DDX25: variants seen among roughly 807,000 people sequenced by gnomAD.
The protein encoded by DDX25 is ATP-dependent RNA helicase DDX25.
DDX25 carries 70 observed loss-of-function variants against 64.6 expected under a neutral mutation model. The observed-to-expected ratio is 1.08, with a 90% CI of 0.89 to 1.32. DDX25 has a LOEUF of 1.32. Ranked by LOEUF, DDX25 falls within the 40% of genes most tolerant of loss-of-function variation. The pLI, the probability that DDX25 is intolerant of heterozygous loss-of-function variation, is 0.00. For synonymous variants in DDX25, 211 were observed against 213.3 expected, an observed-to-expected ratio of 0.99 and a Z score of 0.09; for missense variants, 587 against 604.4, an observed-to-expected ratio of 0.97 and a Z score of 0.30.
chr11:125,904,843 G>A, intron 1 of DDX25: 1 of 573,258 alleles, frequency 1.7e-6, no homozygotes, highest in South Asian at 2.1e-5. Flanking sequence ...GGTAGTCCCA[G>A]CTAGACCCCG....
At chr11:125,907,048 C>CT (rs1467950967) in intron 4 of DDX25, among the ~76,000 whole-genome samples, 4 of 152,152 alleles carry the variant, frequency 2.6e-5, no homozygotes, top group Admixed American at 2.0e-4. Flanking sequence ...CAAACTTTTA[C>CT]TTTCCTGATT....
At position 125,928,702 on chromosome 11, in the gene DDX25, T is replaced by C. The variant is rs148886132; in HGVS notation, c.*5821T>C. The C allele has an allele frequency of 3.3e-5, 5 of 152,372 alleles. No homozygotes were observed. Among genetic ancestry groups the C allele is most frequent in the African/African-American group, 7.2e-5 (3 of 41,592 alleles). 9.4% of individuals were successfully genotyped at this position (152,372 alleles called of 1,614,324 possible). A position where few individuals can be genotyped will look rare whatever the true frequency, so the allele number is the denominator to read the frequency against. ...AGATTATATTTTTTAAAGTGGTTCA[T>C]CATTTGAAAAGCATCTGTAGTGTTC... On this transcript the variant is annotated 3_prime_UTR_variant, in exon 12 of 12. Coordinates refer to ENST00000263576, the MANE Select transcript of DDX25 (RefSeq NM_013264.5).
chr11:125,921,381 T>TA lies in DDX25; in HGVS notation c.1390+4dup. 1 of 1,612,844 alleles carries TA rather than the reference T, an allele frequency of 6.2e-7. No individual in the cohort carries two copies. The highest frequency in any genetic ancestry group is 2.2e-5 in the East Asian group (1 of 44,840). ...TCATGAAAATCCAGGACCACTTTAG[T>TA]AAGTAGCACCACCCTCACAATATGA... On this transcript the variant is annotated splice_region_variant and intron_variant, in intron 11 of 11. Coordinates refer to ENST00000263576, the MANE Select transcript of DDX25 (RefSeq NM_013264.5). This position sits in a 1 kb window ranked among gnomAD's most constrained non-coding sequence, Gnocchi z 4.1.
chr11:125,906,976 C>A (rs1944897788), intron 4 of DDX25, among the ~76,000 whole-genome samples: 1 of 152,154 alleles, frequency 6.6e-6, no homozygotes, highest in Admixed American at 6.5e-5. Flanking sequence ...TTGCCCCTCT[C>A]CATATCAGAA....
chr11:125,921,422 G>T lies in DDX25; in HGVS notation c.1390+43G>T. 1.9e-6 allele frequency: 3 copies of T among 1,590,520 alleles called. No individual in the cohort carries two copies. Among genetic ancestry groups the T allele is most frequent in the Non-Finnish European group, 2.6e-6 (3 of 1,166,648 alleles). On this transcript the variant is annotated intron_variant, in intron 11 of 11. Transcript: ENST00000263576. This position sits in a 1 kb window ranked among gnomAD's most constrained non-coding sequence, Gnocchi z 4.1. The stretch of plus-strand genomic sequence containing the variant: ...CACAATATGAACTACAGACCTGCCG[G>T]TCTGACAGTGATGATGTGTGCTGGA...
intron 1 of DDX25, 37 bp downstream of exon 1, chr11:125,904,617 G>T (rs945713789): frequency 6.3e-6 from 9 of 1,430,344 alleles, no homozygotes; most frequent in South Asian, 1.4e-5. Context: ...CAGCCGCGGG[G>T]GTGGAGCTCC....
intron 8 of DDX25, among the ~76,000 whole-genome samples, chr11:125,912,669 G>A (rs1243240394): frequency 3.3e-5 from 5 of 151,836 alleles, no homozygotes; most frequent in Non-Finnish European, 1.5e-5. Flanking sequence ...AGAGCCCACA[G>A]ATACAGATGG....
In DDX25 at chr11:125,905,244, T is replaced by C. The variant is rs1354985762; in HGVS notation, c.96T>C (p.Leu32=). Reference sequence around the variant, plus strand: ...ACCTCAGCCAACCCCGGAAGAACCTTTGGGGTATTAAGAGTACTGCAGTCC... The same window carrying C: ...ACCTCAGCCAACCCCGGAAGAACCTCTGGGGTATTAAGAGTACTGCAGTCC... ...FSNLSQPRKN[L]WGIKSTAVRN... Residue 32 remains leucine (L), a synonymous_variant, in exon 2 of 12, where the codon CTT becomes CTC. Coordinates refer to ENST00000263576, the MANE Select transcript of DDX25 (RefSeq NM_013264.5). 5.8e-6 allele frequency: 9 copies of C among 1,551,370 alleles called. No homozygotes were observed. The African/African-American group carries it at 9.6e-5, about 17-fold the overall frequency.
In DDX25 at chr11:125,924,259, T is replaced by G. The variant is rs1355228661; in HGVS notation, c.*1378T>G. ...TCCAGCCTGGGCGACAGAGTGAGACTCTATCTCAAAAAAAACGCGCTCCCC... is the reference window on the plus strand; with the variant it reads ...TCCAGCCTGGGCGACAGAGTGAGACGCTATCTCAAAAAAAACGCGCTCCCC... On this transcript the variant is annotated 3_prime_UTR_variant, in exon 12 of 12. Transcript: ENST00000263576. The G allele has an allele frequency of 7.0e-6, 1 of 142,456 alleles. No homozygotes were observed. Among genetic ancestry groups the G allele is most frequent in the African/African-American group, 2.6e-5 (1 of 38,550 alleles). 8.8% of individuals were successfully genotyped at this position (142,456 alleles called of 1,614,324 possible). A position where few individuals can be genotyped will look rare whatever the true frequency, so the allele number is the denominator to read the frequency against.
In DDX25 at chr11:125,926,294, A is replaced by G. The variant is rs968631523; in HGVS notation, c.*3413A>G. On this transcript the variant is annotated 3_prime_UTR_variant, in exon 12 of 12. Coordinates refer to ENST00000263576, the MANE Select transcript of DDX25 (RefSeq NM_013264.5). ...CACATACTGCTTTTCCCAAGGGAGT[A>G]ACAGAAAGGTCAGATCCTCTTCAAT... is the stretch of plus-strand genomic sequence containing the variant. 2 of 152,334 alleles carry G rather than the reference A, an allele frequency of 1.3e-5. No homozygotes were observed. Among genetic ancestry groups the G allele is most frequent in the Non-Finnish European group, 2.9e-5 (2 of 68,136 alleles). 9.4% of individuals were successfully genotyped at this position (152,334 alleles called of 1,614,324 possible).
chr11:125,919,569 T>TA (rs561827207), intron 10 of DDX25, among the ~76,000 whole-genome samples: 13 of 146,182 alleles, frequency 8.9e-5, no homozygotes, highest in South Asian at 6.4e-4. Context: ...TTTTTTTTTT[T>TA]TCAAGAGAAG....
In DDX25 at chr11:125,926,193, T is replaced by C. The variant is rs1259227810; in HGVS notation, c.*3312T>C. 1 of 152,282 alleles carries C rather than the reference T, an allele frequency of 6.6e-6. No individual in the cohort carries two copies. The highest frequency in any genetic ancestry group is 1.9e-4 in the East Asian group (1 of 5,196). 9.4% of individuals were successfully genotyped at this position (152,282 alleles called of 1,614,324 possible). A position where few individuals can be genotyped will look rare whatever the true frequency, so the allele number is the denominator to read the frequency against. On this transcript the variant is annotated 3_prime_UTR_variant, in exon 12 of 12. Coordinates refer to ENST00000263576, the MANE Select transcript of DDX25 (RefSeq NM_013264.5). ...CTCTCTGAACCGGGGGGCATTACTA[T>C]GTTCTCACCCACATTGTACAGACAG...
chr11:125,907,392 AG>A (rs1192002305), intron 4 of DDX25, among the ~76,000 whole-genome samples: 1 of 152,130 alleles, frequency 6.6e-6, no homozygotes, highest in Non-Finnish European at 1.5e-5. Context: ...GCGGATCACG[AG>A]GTCAGGAGAT....
At chr11:125,910,545 A>G in intron 7 of DDX25, 67 bp downstream of exon 7, 1 of 1,385,938 alleles carries the variant, frequency 7.2e-7, no homozygotes, top group Middle Eastern at 1.8e-4. Context: ...TAAGCATTTT[A>G]TATAACTTCT....
rs1945185589 is a variant in DDX25, at chr11:125,928,321, A to G, written c.*5440A>G. The G allele has an allele frequency of 6.6e-6, 1 of 152,224 alleles. No homozygotes were observed. Among genetic ancestry groups the G allele is most frequent in the Non-Finnish European group, 1.5e-5 (1 of 68,032 alleles). The allele number at this position is 152,224 out of a possible 1,614,324, so 9.4% of individuals were successfully genotyped here. On this transcript the variant is annotated 3_prime_UTR_variant, in exon 12 of 12. Transcript: ENST00000263576. Reference sequence around the variant, plus strand: ...TTTGGGATTATATTTTCAAAATAATAATTGACCAGATTGTCCTATCTAGTG... The same window carrying G: ...TTTGGGATTATATTTTCAAAATAATGATTGACCAGATTGTCCTATCTAGTG...
At chr11:125,905,368 G>A (rs1944869051) in intron 2 of DDX25, 90 bp downstream of exon 2, 5 of 1,437,014 alleles carry the variant, frequency 3.5e-6, no homozygotes, top group Non-Finnish European at 4.8e-6. Flanking sequence ...GAAACACCGC[G>A]GATTCATTAG....
chr11:125,905,719 T>C (rs1565461880), intron 3 of DDX25, 122 bp downstream of exon 3: 4 of 1,013,572 alleles, frequency 3.9e-6, no homozygotes, highest in Non-Finnish European at 5.8e-6. Flanking sequence ...TGTTTTCTTA[T>C]AGTGACTATC....
In DDX25 at chr11:125,917,311, AC is replaced by A. The variant is rs1231624789; in HGVS notation, c.1038+61del. On this transcript the variant is annotated intron_variant, in intron 9 of 11. Coordinates refer to ENST00000263576, the MANE Select transcript of DDX25 (RefSeq NM_013264.5). ...ATATGCCTACAGGCCGAGGTGGGGGACGACAATAAGTGCCCTAGAGCCAGGC... is the reference window on the plus strand; with the variant it reads ...ATATGCCTACAGGCCGAGGTGGGGGAGACAATAAGTGCCCTAGAGCCAGGC... 2.7e-6 allele frequency: 4 copies of A among 1,497,042 alleles called. No homozygotes were observed. The African/African-American group carries it at 5.5e-5, about 21-fold the overall frequency. 92.7% of individuals were successfully genotyped at this position (1,497,042 alleles called of 1,614,324 possible).
intron 1 of DDX25, 77 bp downstream of exon 1, chr11:125,904,657 GA>G: frequency 7.1e-7 from 1 of 1,409,752 alleles, no homozygotes; most frequent in East Asian, 2.8e-5. Context: ...GCTGGGAGGG[GA>G]GGGAGAGCCC....
Sources: gnomAD v4.1 joint callset for allele counts (sites outside exome capture counted in the v4.1 genomes callset) on GRCh38, gnomAD v4.1.1 for gene constraint, Gnocchi (gnomAD v3.1) non-coding constraint, MANE v1.5 for transcripts, NCBI Gene and HGNC (gene_info 2026-07-23, HGNC 2026-07-21) for gene names.